LYRM4: variants seen among roughly 807,000 people sequenced by gnomAD.
The protein encoded by LYRM4 is LYR motif containing 4, also known as LYR motif-containing protein 4.
A neutral mutation model predicts 11.7 loss-of-function variants in LYRM4; 9 were observed. That is an observed-to-expected ratio of 0.77 (90% CI 0.46 to 1.34). The LOEUF (loss-of-function observed/expected upper bound fraction) is 1.34. Ranked by LOEUF, LYRM4 falls within the 40% of genes most tolerant of loss-of-function variation. The pLI is 0.00. For synonymous variants in LYRM4, 42 were observed against 40.4 expected, an observed-to-expected ratio of 1.04 and a Z score of -0.15; for missense variants, 133 against 112.5, an observed-to-expected ratio of 1.18 and a Z score of -0.82.
intron 1 of LYRM4, among the ~76,000 whole-genome samples, chr6:5,240,976 G>A (rs902200035): frequency 2.0e-5 from 3 of 152,306 alleles, no homozygotes; most frequent in South Asian, 2.1e-4. Flanking sequence ...CGTGGAATAC[G>A]GGGAAAAACG....
At position 5,221,841 on chromosome 6, in the gene LYRM4, T is replaced by TA. The variant is rs1762602145; in HGVS notation, c.87-5104dup. Among the ~76,000 whole-genome samples, 3 of 152,356 alleles carry TA rather than the reference T, an allele frequency of 2.0e-5. No individual in the cohort carries two copies. The South Asian group carries it at 6.2e-4, about 32-fold the overall frequency. On this transcript the variant is annotated intron_variant, in intron 1 of 2. Transcript: ENST00000330636. The stretch of plus-strand genomic sequence containing the variant: ...TTCTTTCCTTTCCCAGAACTCCCTA[T>TA]ATGCAACCAATCACAAATCTTCCAA...
chr6:5,036,248 A>T, the LYRM4 span, among the ~76,000 whole-genome samples: 3 of 152,208 alleles, frequency 2.0e-5, no homozygotes, highest in Non-Finnish European at 4.4e-5. Flanking sequence ...GTCTGAATTA[A>T]TGAGTTTTCT....
chr6:5,214,097 T>A (rs564056576), intron 2 of LYRM4, among the ~76,000 whole-genome samples: 24 of 152,192 alleles, frequency 1.6e-4, no homozygotes, highest in Admixed American at 1.6e-3. Context: ...ACAGGGGAGA[T>A]CCCTGTCCTC....
At chr6:5,034,289 G>A in the LYRM4 span, 1 of 152,194 alleles carries the variant, frequency 6.6e-6, no homozygotes, top group Non-Finnish European at 1.5e-5. Context: ...TGCTTCTATA[G>A]TAGGTTGTGA....
intron 1 of LYRM4, among the ~76,000 whole-genome samples, chr6:5,232,955 A>G (rs1182364856): frequency 6.6e-6 from 1 of 152,166 alleles, no homozygotes; most frequent in African/African-American, 2.4e-5. Context: ...CATCTTAACT[A>G]CCTACTAAAA....
the LYRM4 span, among the ~76,000 whole-genome samples, chr6:5,068,323 C>G: frequency 6.6e-6 from 1 of 152,228 alleles, no homozygotes; most frequent in Non-Finnish European, 1.5e-5. The surrounding 1 kb of genome is among the most constrained non-coding windows in gnomAD (Gnocchi z 4.0). Context: ...CAGCCAGACA[C>G]AGTCAGGACT....
At chr6:5,033,178 T>TC in the LYRM4 span, 1 of 142,808 alleles carries the variant, frequency 7.0e-6, no homozygotes, top group Non-Finnish European at 1.6e-5. Context: ...CCAGACAGAC[T>TC]CTTCTCCCTC....
the LYRM4 span, among the ~76,000 whole-genome samples, chr6:5,093,108 G>A: frequency 4.6e-5 from 7 of 152,026 alleles, no homozygotes; most frequent in African/African-American, 9.7e-5. Flanking sequence ...TCCCCCACCC[G>A]CAACCCCTCC....
the LYRM4 span, among the ~76,000 whole-genome samples, chr6:5,038,620 C>T: frequency 0.023 from 1,508 of 64,492 alleles, 535 homozygotes; most frequent in African/African-American, 0.058. Flanking sequence ...GAACGAGACT[C>T]CGTCCGCAAT....
chr6:5,066,796 T>G, the LYRM4 span: 1 of 739,096 alleles, frequency 1.4e-6, no homozygotes, highest in African/African-American at 1.7e-5. Flanking sequence ...TTTAACACCC[T>G]CCTTGGTGAG....
chr6:5,087,403 T>C, the LYRM4 span: 1 of 152,238 alleles, frequency 6.6e-6, no homozygotes, highest in African/African-American at 2.4e-5. Flanking sequence ...TGCTTTAAAA[T>C]GTTCTGTAGA....
In LYRM4 at chr6:5,216,659, C is replaced by T; in HGVS notation, c.166G>A (p.Val56Met). ...VKDPVEIQTLVNKAKRDLGVI... is the reference protein window; with the variant it reads ...VKDPVEIQTLMNKAKRDLGVI... ...CCAAGGTCTCTCTTGGCTTTATTCA[C>T]TAGGGTTTGAATTTCTACAGGATCC... Residue 56 changes from valine to methionine, a missense_variant, in exon 2 of 3, where the codon GTG (valine) becomes ATG (methionine). Transcript: ENST00000330636. 2 of 1,614,022 alleles carry T rather than the reference C, an allele frequency of 1.2e-6. No individual in the cohort carries two copies. The highest frequency in any genetic ancestry group is 1.1e-5 in the South Asian group (1 of 91,082).
chr6:5,067,174 G>C, the LYRM4 span, among the ~76,000 whole-genome samples: 835 of 152,294 alleles, frequency 5.5e-3, 6 homozygotes, highest in African/African-American at 0.017. Flanking sequence ...TTCCCCATGT[G>C]CATCTTTCTA....
At chr6:5,252,197 A>G (rs994659711) in intron 1 of LYRM4, among the ~76,000 whole-genome samples, 6 of 152,202 alleles carry the variant, frequency 3.9e-5, no homozygotes, top group Non-Finnish European at 8.8e-5. Flanking sequence ...ATGTTTCTAC[A>G]GATTTTGCAG....
intron 2 of LYRM4, 60 bp from the exon 3 acceptor site, chr6:5,109,551 C>T: frequency 1.3e-6 from 2 of 1,498,182 alleles, no homozygotes; most frequent in Non-Finnish European, 1.9e-6. Flanking sequence ...TGGGAAAGGC[C>T]AGAAGGAACA....
At chr6:5,128,205 C>G (rs781194678) in intron 2 of LYRM4, among the ~76,000 whole-genome samples, 10 of 152,066 alleles carry the variant, frequency 6.6e-5, no homozygotes, top group Admixed American at 5.2e-4. Context: ...GTGAAAATCC[C>G]AATTTAGGTT....
the LYRM4 span, among the ~76,000 whole-genome samples, chr6:5,060,528 C>A: frequency 6.8e-6 from 1 of 148,056 alleles, no homozygotes; most frequent in African/African-American, 2.5e-5. Context: ...GAGACAAAGT[C>A]TCACTGTGTC....
the LYRM4 span, chr6:5,085,877 G>A: frequency 2.6e-6 from 4 of 1,531,606 alleles, no homozygotes; most frequent in South Asian, 1.2e-5. Context: ...TGCAAGAAGC[G>A]GGTGCAGTTC....
chr6:5,071,104 G>A, the LYRM4 span, among the ~76,000 whole-genome samples: 1 of 151,346 alleles, frequency 6.6e-6, no homozygotes, highest in Non-Finnish European at 1.5e-5. Flanking sequence ...CAGGAGAATC[G>A]CTTGAACTCG....
Sources: gnomAD v4.1 joint callset for allele counts (sites outside exome capture counted in the v4.1 genomes callset) on GRCh38, gnomAD v4.1.1 for gene constraint, Gnocchi (gnomAD v3.1) non-coding constraint, MANE v1.5 for transcripts, NCBI Gene and HGNC (gene_info 2026-07-23, HGNC 2026-07-21) for gene names.